GPR158: variants seen among roughly 807,000 people sequenced by gnomAD.
GPR158 encodes the protein metabotropic glycine receptor.
GPR158 carries 30 observed loss-of-function variants against 78.2 expected under a neutral mutation model. The observed-to-expected ratio is 0.38, with a 90% CI of 0.29 to 0.52. The LOEUF is 0.52. GPR158 is among the 20% of genes least tolerant of loss of function. GPR158 has a pLI of 0.83. For missense variants in GPR158, 1,463 were observed against 1,523.5 expected (o/e 0.96, Z 0.66); for synonymous variants, 581 against 591.1 (o/e 0.98, Z 0.25).
intron 2 of GPR158, among the ~76,000 whole-genome samples, chr10:25,230,234 G>A (rs918404118): frequency 6.6e-6 from 1 of 152,170 alleles, no homozygotes; most frequent in African/African-American, 2.4e-5. Flanking sequence ...TCTGATCATA[G>A]GAAGAATGAT....
chr10:25,490,879 C>A (rs1207420146), intron 5 of GPR158, among the ~76,000 whole-genome samples: 1 of 151,942 alleles, frequency 6.6e-6, no homozygotes, highest in African/African-American at 2.4e-5. Context: ...TGTGTATACA[C>A]AAAATAATAC....
At chr10:25,195,164 A>C (rs564826640) in intron 1 of GPR158, among the ~76,000 whole-genome samples, 60 of 150,870 alleles carry the variant, frequency 4.0e-4, no homozygotes, top group Non-Finnish European at 5.0e-4. Context: ...AAAAAAAAAA[A>C]CCCAAGGAGT....
chr10:25,218,861 T>C (rs950514141), intron 1 of GPR158, among the ~76,000 whole-genome samples: 3 of 151,008 alleles, frequency 2.0e-5, no homozygotes, highest in African/African-American at 7.3e-5. Flanking sequence ...GGAACTTATT[T>C]TTTTTTTTGT....
At chr10:25,382,885 G>GT (rs200321689) in intron 2 of GPR158, among the ~76,000 whole-genome samples, 5,946 of 152,204 alleles carry the variant, frequency 0.039, 168 homozygotes, top group Non-Finnish European at 0.056. Context: ...AGGCTGGAGT[G>GT]TAGTGGCATG....
intron 1 of GPR158, among the ~76,000 whole-genome samples, chr10:25,190,359 G>T (rs999775097): frequency 6.6e-6 from 1 of 151,794 alleles, no homozygotes; most frequent in Non-Finnish European, 1.5e-5. Flanking sequence ...TTGAGACAGG[G>T]TCTTACTTTG....
intron 4 of GPR158, among the ~76,000 whole-genome samples, chr10:25,434,262 A>C (rs947144278): frequency 6.6e-6 from 1 of 152,194 alleles, no homozygotes; most frequent in Non-Finnish European, 1.5e-5. Flanking sequence ...GAGTAAAGTG[A>C]TTATAACATA....
chr10:25,347,185 G>T (rs1855382111), intron 2 of GPR158, among the ~76,000 whole-genome samples: 1 of 151,918 alleles, frequency 6.6e-6, no homozygotes, highest in Admixed American at 6.6e-5. Flanking sequence ...GACTCTAGGG[G>T]AGAAGTGGTT....
At chr10:25,516,652 C>G (rs1472286529) in intron 5 of GPR158, among the ~76,000 whole-genome samples, 1 of 116,778 alleles carries the variant, frequency 8.6e-6, no homozygotes, top group Admixed American at 9.1e-5. Flanking sequence ...GCTTGTTTTT[C>G]TCAGGTTTGT....
At chr10:25,522,695 A>G (rs1836293807) in intron 5 of GPR158, among the ~76,000 whole-genome samples, 1 of 152,248 alleles carries the variant, frequency 6.6e-6, no homozygotes, top group South Asian at 2.1e-4. Context: ...ATTTATGGAT[A>G]CATATAAATG....
chr10:25,405,583 C>G (rs891366284), intron 3 of GPR158, among the ~76,000 whole-genome samples: 7 of 138,090 alleles, frequency 5.1e-5, no homozygotes, highest in African/African-American at 1.9e-4. Flanking sequence ...TATTGGGCCT[C>G]CAGATGTTAA....
chr10:25,496,497 G>C (rs570072611), intron 5 of GPR158, among the ~76,000 whole-genome samples: 21 of 152,288 alleles, frequency 1.4e-4, no homozygotes, highest in African/African-American at 4.8e-4. Flanking sequence ...GTTTAACAAG[G>C]TGAAAAGTAA....
intron 1 of GPR158, among the ~76,000 whole-genome samples, chr10:25,195,504 C>T (rs1317536773): frequency 6.6e-6 from 1 of 152,150 alleles, no homozygotes; most frequent in Non-Finnish European, 1.5e-5. Context: ...CCACACCCCG[C>T]CAGCCCAACT....
intron 3 of GPR158, among the ~76,000 whole-genome samples, chr10:25,407,268 G>T (rs958712646): frequency 5.9e-5 from 9 of 152,176 alleles, no homozygotes; most frequent in Admixed American, 3.3e-4. Context: ...TTCTGCATGT[G>T]CAGTTACAGA....
At chr10:25,464,319 C>G (rs892339414) in intron 4 of GPR158, among the ~76,000 whole-genome samples, 3 of 152,158 alleles carry the variant, frequency 2.0e-5, no homozygotes, top group Non-Finnish European at 4.4e-5. Context: ...GGCCATCAAA[C>G]CACAGCATGA....
intron 5 of GPR158, among the ~76,000 whole-genome samples, chr10:25,537,065 A>G (rs12221280): frequency 0.35 from 53,235 of 152,120 alleles, 9,734 homozygotes; most frequent in East Asian, 0.56. Context: ...AAGTCACTTT[A>G]TTGTCATCTG....
intron 2 of GPR158, among the ~76,000 whole-genome samples, chr10:25,234,993 C>CT (rs34945835): frequency 6.6e-6 from 1 of 151,968 alleles, no homozygotes; most frequent in East Asian, 1.9e-4. Flanking sequence ...TTCCAGAATT[C>CT]TTTTTTTATC....
At chr10:25,500,002 A>C (rs1010188646) in intron 5 of GPR158, among the ~76,000 whole-genome samples, 15 of 152,358 alleles carry the variant, frequency 9.8e-5, no homozygotes, top group Non-Finnish European at 1.8e-4. Flanking sequence ...GATTGCCTTC[A>C]CTTGATGTGA....
intron 2 of GPR158, among the ~76,000 whole-genome samples, chr10:25,364,206 C>T (rs889409159): frequency 6.6e-6 from 1 of 151,820 alleles, no homozygotes; most frequent in Non-Finnish European, 1.5e-5. Context: ...TTAATTAAAG[C>T]ATATCTTACT....
chr10:25,494,143 A>G (rs1835847144), intron 5 of GPR158, among the ~76,000 whole-genome samples: 1 of 152,182 alleles, frequency 6.6e-6, no homozygotes, highest in African/African-American at 2.4e-5. Context: ...AGGAAAAAAG[A>G]GAGGGAGAGG....
Sources: allele counts gnomAD v4.1 joint callset (sites outside exome capture counted in the v4.1 genomes callset), GRCh38; gene constraint gnomAD v4.1.1; transcripts MANE v1.5; gene names NCBI Gene and HGNC (gene_info 2026-07-23, HGNC 2026-07-21).